Variants in PUM2 observed in about 807,000 individuals in gnomAD.
PUM2 encodes pumilio RNA binding family member 2.
Under a neutral mutation model 124.5 loss-of-function variants are expected in PUM2, and 57 were observed. The observed-to-expected ratio is 0.46, with a 90% CI of 0.37 to 0.57. PUM2 has a LOEUF of 0.57. PUM2 is among the 20% of genes least tolerant of loss of function. The probability of loss-of-function intolerance (pLI) is 0.00; values close to 1 mark genes in which losing one functional copy is unlikely to be tolerated. For synonymous variants in PUM2, 460 were observed against 446.1 expected, an observed-to-expected ratio of 1.03 and a Z score of -0.39; for missense variants, 1,065 against 1,290.6, an observed-to-expected ratio of 0.83 and a Z score of 2.68.
chr2:20,260,256 T>C, intron 15 of PUM2, 81 bp downstream of exon 15: 2 of 1,360,788 alleles, frequency 1.5e-6, no homozygotes, highest in African/African-American at 1.5e-5. Flanking sequence ...AAAATGACTT[T>C]ACCCAACTTT....
chr2:20,251,459 A>C lies in PUM2; in HGVS notation c.*126T>G. ...AAAAAATTTACAAATGGATGAATAA[A>C]GTCAATAAATAGTTTTGCTTTAAAA... On this transcript the variant is annotated 3_prime_UTR_variant, in exon 21 of 21. Coordinates refer to ENST00000361078, the MANE Select transcript of PUM2 (RefSeq NM_015317.5). The C allele has an allele frequency of 1.7e-6, 2 of 1,200,912 alleles. No homozygotes were observed. The highest frequency in any genetic ancestry group is 2.3e-6 in the Non-Finnish European group (2 of 868,226). 74.4% of individuals were successfully genotyped at this position (1,200,912 alleles called of 1,614,324 possible).
Position 20,251,693 on chromosome 2 carries a change from C to T in PUM2, c.3087G>A (p.Leu1029=). The T allele has an allele frequency of 6.2e-7, 1 of 1,613,432 alleles. No homozygotes were observed. The highest frequency in any genetic ancestry group is 8.5e-7 in the Non-Finnish European group (1 of 1,179,558). Residue 1029 remains leucine (L), a synonymous_variant, in exon 21 of 21, where the codon TTG becomes TTA. Coordinates refer to ENST00000361078, the MANE Select transcript of PUM2 (RefSeq NM_015317.5). ...TATGCTTCCCGTATGTGTATTTGCG[C>T]AAAGTAGTAATGTGAGGTCGAATCT... ...MHKIRPHITT[L]RKYTYGKHIL...
intron 1 of PUM2, among the ~76,000 whole-genome samples, chr2:20,340,105 T>C (rs1686942964): frequency 6.6e-6 from 1 of 152,210 alleles, no homozygotes; most frequent in South Asian, 2.1e-4. Context: ...TTTAGTATTG[T>C]CCTTTGCTTT....
intron 10 of PUM2, among the ~76,000 whole-genome samples, chr2:20,289,153 T>C (rs1246593081): frequency 1.3e-5 from 2 of 151,062 alleles, no homozygotes; most frequent in African/African-American, 2.4e-5. Flanking sequence ...AAAAAAAAGT[T>C]GGGTGTGGTG....
intron 1 of PUM2, among the ~76,000 whole-genome samples, chr2:20,342,467 A>G (rs1243758498): frequency 6.6e-6 from 1 of 152,206 alleles, no homozygotes; most frequent in African/African-American, 2.4e-5. Context: ...ACCTTAACCC[A>G]GTATTACCAT....
At chr2:20,287,882 A>T (rs542852815) in intron 10 of PUM2, among the ~76,000 whole-genome samples, 1 of 152,308 alleles carries the variant, frequency 6.6e-6, no homozygotes, top group South Asian at 2.1e-4. Flanking sequence ...TAGACAGGAA[A>T]ATTTGGAAAT....
chr2:20,323,177 G>A (rs1478338500), intron 2 of PUM2, among the ~76,000 whole-genome samples: 3 of 152,008 alleles, frequency 2.0e-5, no homozygotes, highest in Non-Finnish European at 4.4e-5. Flanking sequence ...GGCCAGGTGC[G>A]GTGGCTCACG....
At chr2:20,288,572 A>G (rs1234100622) in intron 10 of PUM2, among the ~76,000 whole-genome samples, 4 of 152,216 alleles carry the variant, frequency 2.6e-5, no homozygotes, top group Non-Finnish European at 5.9e-5. Context: ...AGAGGGAAAG[A>G]CTAAAGATTC....
chr2:20,258,271 G>A lies in PUM2; in HGVS notation c.2456C>T (p.Ala819Val). 2 of 1,607,420 alleles carry A rather than the reference G, an allele frequency of 1.2e-6. No homozygotes were observed. The highest frequency in any genetic ancestry group is 2.2e-5 in the East Asian group (1 of 44,642). Residue 819 changes from alanine to valine, a missense_variant, in exon 16 of 21, where the codon GCA becomes GTA. Physicochemically the swap from Ala to Val is moderately conservative, Grantham distance 64. Transcript: ENST00000361078. ...CTGGTCAGAAGAAATAGATTCTAAT[G>A]CTTTCTGAATAACGCGGCAGCCATA... ...QMYGCRVIQKALESISSDQQS... is the reference protein window; with the variant it reads ...QMYGCRVIQKVLESISSDQQS...
At chr2:20,301,060 C>T (rs564464839) in intron 7 of PUM2, among the ~76,000 whole-genome samples, 3 of 152,284 alleles carry the variant, frequency 2.0e-5, no homozygotes, top group African/African-American at 7.2e-5. Flanking sequence ...TCCAGTTGTC[C>T]CATATTTCCG....
intron 7 of PUM2, among the ~76,000 whole-genome samples, chr2:20,305,742 A>G (rs1332017293): frequency 6.6e-6 from 1 of 152,192 alleles, no homozygotes; most frequent in Non-Finnish European, 1.5e-5. Flanking sequence ...TTGAGTTTTC[A>G]TAGATAACAC....
In PUM2 at chr2:20,308,491, A is replaced by C. The variant is rs895230758; in HGVS notation, c.612T>G (p.Pro204=). The change falls in exon 6 of 21, where the codon CCT becomes CCG. Residue 204 remains proline, a synonymous_variant. Transcript: ENST00000361078. ...CAAGTGGTTTATTAGCTGTAGGATT[A>C]GGAAGAGGCCCCAGTCCTTCTGAGG... The part of the protein sequence containing the change: ...TNPSEGLGPL[P]NPTANKPLVE... 1.2e-6 allele frequency: 2 copies of C among 1,614,070 alleles called. No individual in the cohort carries two copies. The highest frequency in any genetic ancestry group is 3.3e-5 in the Admixed American group (2 of 60,006).
chr2:20,347,739 A>G (rs1471429783), intron 1 of PUM2, among the ~76,000 whole-genome samples: 1 of 152,218 alleles, frequency 6.6e-6, no homozygotes, highest in Non-Finnish European at 1.5e-5. Flanking sequence ...CAGTGGAGGC[A>G]TAATTTAGAC....
intron 20 of PUM2, among the ~76,000 whole-genome samples, chr2:20,253,003 G>T (rs760820223): frequency 6.6e-6 from 1 of 152,152 alleles, no homozygotes; most frequent in African/African-American, 2.4e-5. Flanking sequence ...ATATGTTTAG[G>T]TTATATGCAA....
chr2:20,308,249 T>C (rs907302425), intron 6 of PUM2, 65 bp downstream of exon 6: 6 of 1,543,666 alleles, frequency 3.9e-6, no homozygotes, highest in African/African-American at 1.4e-5. Context: ...CAATGCCACA[T>C]AGCACTTCAG....
chr2:20,258,242 C>A lies in PUM2; in HGVS notation c.2484+1G>T, dbSNP rs1558480269. On this transcript the variant is annotated splice_donor_variant, in intron 16 of 20. Transcript: ENST00000361078. LOFTEE classifies it high-confidence loss of function. ...AAAATTTTGTCTTAACTTACAATTA[C>A]CTGCTGGTCAGAAGAAATAGATTCT... 6.3e-7 allele frequency: 1 copy of A among 1,582,066 alleles called. No homozygotes were observed. Among genetic ancestry groups the A allele is most frequent in the East Asian group, 2.3e-5 (1 of 44,100 alleles).
At chr2:20,326,932 G>A (rs1461919228) in intron 2 of PUM2, among the ~76,000 whole-genome samples, 1 of 152,118 alleles carries the variant, frequency 6.6e-6, no homozygotes, top group East Asian at 1.9e-4. Flanking sequence ...GTGAACAAGA[G>A]ATTTTTGGAA....
In PUM2 at chr2:20,263,179, T is replaced by C. The variant is rs1458515749; in HGVS notation, c.2225+14A>G. ...CAAAGCAAAAATGAAGTGAGAAATA[T>C]CATAATCACCTACCTAGAACCATGC... On this transcript the variant is annotated intron_variant, in intron 14 of 20. Coordinates refer to ENST00000361078, the MANE Select transcript of PUM2 (RefSeq NM_015317.5). 2 of 1,571,030 alleles carry C rather than the reference T, an allele frequency of 1.3e-6. No homozygotes were observed. Among genetic ancestry groups the C allele is most frequent in the South Asian group, 1.1e-5 (1 of 89,416 alleles).
chr2:20,256,763 T>C (rs1314359104), intron 16 of PUM2, among the ~76,000 whole-genome samples: 1 of 152,128 alleles, frequency 6.6e-6, no homozygotes, highest in Non-Finnish European at 1.5e-5. Flanking sequence ...AAAGTGCTTA[T>C]AGCCAGATGC....
Sources: allele counts gnomAD v4.1 joint callset (sites outside exome capture counted in the v4.1 genomes callset), GRCh38; gene constraint gnomAD v4.1.1; transcripts MANE v1.5; gene names NCBI Gene and HGNC (gene_info 2026-07-23, HGNC 2026-07-21).